The following CEP43 variants were observed in gnomAD, a reference collection of about 807,000 sequenced individuals.
CEP43 encodes centrosomal protein 43.
In CEP43, 36 loss-of-function variants were observed where a neutral mutation model predicts 52.6. The observed-to-expected ratio is 0.68, with a 90% CI of 0.52 to 0.90. The LOEUF is 0.90. CEP43 is among the 40% of genes least tolerant of loss of function. The pLI, the probability that CEP43 is intolerant of heterozygous loss-of-function variation, is 0.00. For missense variants in CEP43, 506 were observed against 472.8 expected (o/e 1.07, Z -0.65); for synonymous variants, 192 against 172.4 (o/e 1.11, Z -0.89).
intron 9 of CEP43, chr6:167,025,212 C>T (rs1486130093): frequency 1.1e-5 from 2 of 174,698 alleles, no homozygotes; most frequent in African/African-American, 4.7e-5. Context: ...TGGACATTTA[C>T]AATGACTTGA....
At chr6:167,025,160 A>G (rs970546961) in intron 9 of CEP43, 6 of 251,702 alleles carry the variant, frequency 2.4e-5, no homozygotes, top group African/African-American at 1.1e-4. Flanking sequence ...GCTGATTTTT[A>G]TTATCTATAG....
At chr6:167,036,281 A>C in intron 12 of CEP43, 1 of 985,432 alleles carries the variant, frequency 1.0e-6, no homozygotes, top group South Asian at 4.7e-5. Context: ...AACAGAAGGG[A>C]GATCCCGGGA....
intron 10 of CEP43, chr6:167,028,506 ATGT>A: frequency 1.0e-6 from 1 of 985,040 alleles, no homozygotes; most frequent in South Asian, 4.7e-5. Flanking sequence ...TTTTGCAACA[ATGT>A]TGTTTTCTGT....
rs760358495 is a variant in CEP43 at position 167,032,601 on chromosome 6, A to G, written c.989-2A>G. 6.4e-7 allele frequency: 1 copy of G among 1,572,416 alleles called. No individual in the cohort carries two copies. Among genetic ancestry groups the G allele is most frequent in the Middle Eastern group, 1.7e-4 (1 of 5,906 alleles). The stretch of plus-strand genomic sequence containing the variant: ...TAACATATCTTTTCTTAAACTTATC[A>G]GGAACTGGAGAAGATGATGACTATG... On this transcript the variant is annotated splice_acceptor_variant, in intron 10 of 12. Transcript: ENST00000366847. LOFTEE classifies it high-confidence loss of function.
At chr6:167,036,529 A>C (rs1380365362) in intron 12 of CEP43, 1 of 985,352 alleles carries the variant, frequency 1.0e-6, no homozygotes, top group East Asian at 1.1e-4. Flanking sequence ...ATAAGTGTGC[A>C]TCCCAGGTTT....
At chr6:167,027,679 GC>G (rs1325249281) in intron 10 of CEP43, among the ~76,000 whole-genome samples, 1 of 152,234 alleles carries the variant, frequency 6.6e-6, no homozygotes, top group Non-Finnish European at 1.5e-5. Context: ...TTGATGGGTA[GC>G]GTAGGGAGAT....
chr6:167,028,705 A>T (rs779680397), intron 10 of CEP43, among the ~76,000 whole-genome samples: 1 of 152,166 alleles, frequency 6.6e-6, no homozygotes, highest in Non-Finnish European at 1.5e-5. Flanking sequence ...ATTTTTACAG[A>T]TGAAGAATCT....
chr6:167,020,723 A>G (rs1780208037), intron 7 of CEP43, among the ~76,000 whole-genome samples: 1 of 152,130 alleles, frequency 6.6e-6, no homozygotes. Context: ...AGCGTGGCCA[A>G]CATGTTGAAA....
At chr6:167,011,434 A>G (rs1779982250) in intron 6 of CEP43, among the ~76,000 whole-genome samples, 1 of 152,138 alleles carries the variant, frequency 6.6e-6, no homozygotes. Context: ...GAGTTGTTAA[A>G]GGTAAGACTT....
intron 10 of CEP43, chr6:167,027,904 C>T (rs1180106181): frequency 2.0e-6 from 2 of 985,648 alleles, no homozygotes; most frequent in Admixed American, 6.1e-5. Flanking sequence ...GATTCTTGTT[C>T]CGCACAGTGC....
chr6:167,011,931 T>C (rs573608066), intron 6 of CEP43, among the ~76,000 whole-genome samples: 5 of 152,202 alleles, frequency 3.3e-5, no homozygotes, highest in African/African-American at 1.2e-4. Context: ...ACATAGGAGC[T>C]GGGGGTTTGT....
rs142951632 is a variant in CEP43 at position 167,010,906 on chromosome 6, T to G, written c.519+13T>G. On this transcript the variant is annotated intron_variant, in intron 6 of 12. Transcript: ENST00000366847. ...AACACCAAGTAAGGTGAGTTAGCTG[T>G]GGAACACGGAAGTCATGTCTGGACT... The G allele has an allele frequency of 1.9e-6, 3 of 1,554,940 alleles. No homozygotes were observed. Among genetic ancestry groups the G allele is most frequent in the Non-Finnish European group, 2.6e-6 (3 of 1,142,566 alleles).
At chr6:167,006,591 T>A (rs1779859388) in intron 5 of CEP43, among the ~76,000 whole-genome samples, 1 of 152,154 alleles carries the variant, frequency 6.6e-6, no homozygotes, top group African/African-American at 2.4e-5. Context: ...TATATAGCAT[T>A]TACATTGTAT....
chr6:167,005,040 A>G (rs1779821867), intron 5 of CEP43, among the ~76,000 whole-genome samples: 1 of 152,208 alleles, frequency 6.6e-6, no homozygotes, highest in Admixed American at 6.5e-5. Context: ...TTACATGAAG[A>G]TACTCTGTTT....
intron 12 of CEP43, among the ~76,000 whole-genome samples, chr6:167,039,616 C>A (rs1234043304): frequency 6.6e-6 from 1 of 152,100 alleles, no homozygotes; most frequent in Non-Finnish European, 1.5e-5. Context: ...TGGGTAGATA[C>A]CCAGTAGTGG....
intron 7 of CEP43, among the ~76,000 whole-genome samples, chr6:167,017,833 A>G (rs1780137749): frequency 6.6e-6 from 1 of 152,230 alleles, no homozygotes; most frequent in African/African-American, 2.4e-5. Flanking sequence ...AGAGAACTTA[A>G]TGACCGTTGT....
rs1780883031 is a variant in CEP43, at chr6:167,052,506, G to A, written c.*12528G>A. The A allele has an allele frequency of 6.6e-6, 1 of 152,160 alleles. No homozygotes were observed. 9.4% of individuals were successfully genotyped at this position (152,160 alleles called of 1,614,324 possible). A position where few individuals can be genotyped will look rare whatever the true frequency, so the allele number is the denominator to read the frequency against. ...CTCTTCCCTGCATCTTATTAGAACA[G>A]TGTATCCTGGAGGACATCCCTTGCC... On this transcript the variant is annotated 3_prime_UTR_variant, in exon 13 of 13. Transcript: ENST00000366847.
At chr6:167,022,327 T>G in intron 7 of CEP43, 82 bp from the exon 8 acceptor site, 1 of 950,934 alleles carries the variant, frequency 1.1e-6, no homozygotes, top group African/African-American at 1.7e-5. Context: ...TTGATTATGC[T>G]CATGAGACTT....
chr6:167,051,726 T>A lies in CEP43; in HGVS notation c.*11748T>A, dbSNP rs1582967910. The A allele has an allele frequency of 6.6e-6, 1 of 152,240 alleles. No homozygotes were observed. The highest frequency in any genetic ancestry group is 2.4e-5 in the African/African-American group (1 of 41,468). 9.4% of individuals were successfully genotyped at this position (152,240 alleles called of 1,614,324 possible). A position where few individuals can be genotyped will look rare whatever the true frequency, so the allele number is the denominator to read the frequency against. On this transcript the variant is annotated 3_prime_UTR_variant, in exon 13 of 13. Transcript: ENST00000366847. ...AAATATTCCTTTTTATCTCTAGTAT[T>A]TTTTGTCTGTTTGACTTAAAGTCTA...
Sources: gnomAD v4.1 joint callset for allele counts (sites outside exome capture counted in the v4.1 genomes callset) on GRCh38, gnomAD v4.1.1 for gene constraint, MANE v1.5 for transcripts, NCBI Gene and HGNC (gene_info 2026-07-23, HGNC 2026-07-21) for gene names.